GSC: variants seen among roughly 807,000 people sequenced by gnomAD.
GSC encodes goosecoid homeobox.
GSC carries 13 observed loss-of-function variants against 24.5 expected under a neutral mutation model. The ratio of observed to expected loss-of-function variants is 0.53; its 90% CI spans 0.35 to 0.84. The LOEUF (loss-of-function observed/expected upper bound fraction) is 0.84. GSC is among the 40% of genes least tolerant of loss of function. The pLI, the probability that GSC is intolerant of heterozygous loss-of-function variation, is 0.01. For missense variants in GSC, 382 were observed against 384.2 expected (o/e 0.99, Z 0.05); for synonymous variants, 199 against 182.1 (o/e 1.09, Z -0.75).
In GSC at chr14:94,768,600, G is replaced by A; in HGVS notation, c.665C>T (p.Ser222Leu). ...RAKWRRQKRS[S>L]SEESENAEKW... ...CTCCGCGTTCTCCGACTCCTCTGATGAGGACCGCTTCTGCCGCCTCCATTT... is the reference window on the plus strand; with the variant it reads ...CTCCGCGTTCTCCGACTCCTCTGATAAGGACCGCTTCTGCCGCCTCCATTT... The change falls in exon 3 of 3, where the codon TCA (serine) becomes TTA (leucine). Residue 222 changes from serine (S) to leucine (L), a missense_variant. Physicochemically the swap from Ser to Leu is moderately radical, Grantham distance 145. Coordinates refer to ENST00000238558, the MANE Select transcript of GSC (RefSeq NM_173849.3). The A allele has an allele frequency of 6.2e-7, 1 of 1,614,132 alleles. No homozygotes were observed. The highest frequency in any genetic ancestry group is 8.5e-7 in the Non-Finnish European group (1 of 1,180,046).
chr14:94,769,632 G>A, intron 1 of GSC, 29 bp downstream of exon 1: 1 of 1,403,340 alleles, frequency 7.1e-7, no homozygotes, highest in Non-Finnish European at 9.2e-7. Context: ...CGCAGTGGGC[G>A]GCAGAGGCCG....
rs1304027611 is a variant in GSC at position 94,769,751 on chromosome 14, G to A, written c.265C>T (p.His89Tyr). 6 of 1,441,928 alleles carry A rather than the reference G, an allele frequency of 4.2e-6. No homozygotes were observed. In the African/African-American group the frequency reaches 9.0e-5, roughly 22 times the overall value. The allele number at this position is 1,441,928 out of a possible 1,614,324, so 89.3% of individuals were successfully genotyped here. A position where few individuals can be genotyped will look rare whatever the true frequency, so the allele number is the denominator to read the frequency against. The stretch of plus-strand genomic sequence containing the variant: ...GGGCCCACGGGCGCCGCCTGCACGT[G>A]CAGCTGCCCGTAGAAGTAGTTGTTG... ...GYNNYFYGQL[H>Y]VQAAPVGPAC... The change falls in exon 1 of 3, where the codon CAC (histidine) becomes TAC (tyrosine). Residue 89 changes from histidine to tyrosine, a missense_variant. By Grantham distance (83) the His-to-Tyr change is moderately conservative. Coordinates refer to ENST00000238558, the MANE Select transcript of GSC (RefSeq NM_173849.3).
chr14:94,769,839 C>T lies in GSC; in HGVS notation c.177G>A (p.Pro59=). 7.0e-7 allele frequency: 1 copy of T among 1,435,774 alleles called. No individual in the cohort carries two copies. The highest frequency in any genetic ancestry group is 9.0e-7 in the Non-Finnish European group (1 of 1,106,662). The allele number at this position is 1,435,774 out of a possible 1,614,324, so 88.9% of individuals were successfully genotyped here. A position where few individuals can be genotyped will look rare whatever the true frequency, so the allele number is the denominator to read the frequency against. Residue 59 remains proline, a synonymous_variant, in exon 1 of 3, where the codon CCG becomes CCA. Transcript: ENST00000238558. The stretch of plus-strand genomic sequence containing the variant: ...CCGCGCCGCCGGGGGCCACGGGGCG[C>T]GGGTAGAAGGCGCCATAGTCCGAGG... ...GASSDYGAFY[P]RPVAPGGAGL...
Position 94,769,082 on chromosome 14 carries a change from C to T in GSC, c.491G>A (p.Arg164His). Residue 164 changes from arginine to histidine, a missense_variant, in exon 2 of 3, where the codon CGC becomes CAC. Transcript: ENST00000238558. Reference sequence around the variant, plus strand: ...GAGCTGCTCGTCAGTGAAGATGGTGCGGTGCCGCCGCTTCCGCCGACAGTG... The same window carrying T: ...GAGCTGCTCGTCAGTGAAGATGGTGTGGTGCCGCCGCTTCCGCCGACAGTG... Reference protein sequence around the residue: ...QLHCRRKRRHRTIFTDEQLEA... With the variant: ...QLHCRRKRRHHTIFTDEQLEA... 1 of 1,592,034 alleles carries T rather than the reference C, an allele frequency of 6.3e-7. No individual in the cohort carries two copies.
In GSC at chr14:94,769,188, A is replaced by ACACCAGCACCGAACCGGGGC; in HGVS notation, c.365_384dup (p.Ser129AlafsTer18). Reference sequence around the variant, plus strand: ...GGCAGCATCTGGTGCGGTACCGGGGACACCAGCACCGAACCGGGGCCCTCG... The same window carrying ACACCAGCACCGAACCGGGGC: ...GGCAGCATCTGGTGCGGTACCGGGGACACCAGCACCGAACCGGGGCCACCAGCACCGAACCGGGGCCCTCG... On this transcript the variant is annotated frameshift_variant, in exon 2 of 3. Transcript: ENST00000238558. LOFTEE classifies it high-confidence loss of function. 6.4e-7 allele frequency: 1 copy of ACACCAGCACCGAACCGGGGC among 1,559,552 alleles called. No homozygotes were observed. Among genetic ancestry groups the ACACCAGCACCGAACCGGGGC allele is most frequent in the Admixed American group, 1.9e-5 (1 of 52,590 alleles).
At chr14:94,768,736 G>A (rs1885220064) in intron 2 of GSC, 87 bp from the exon 3 acceptor site, 2 of 1,550,548 alleles carry the variant, frequency 1.3e-6, no homozygotes, top group Admixed American at 1.7e-5. Context: ...GTGTGGCGGC[G>A]GGACACCCCG....
In GSC at chr14:94,769,947, C is replaced by T; in HGVS notation, c.69G>A (p.Leu23=). 6.4e-7 allele frequency: 1 copy of T among 1,550,460 alleles called. No individual in the cohort carries two copies. Among genetic ancestry groups the T allele is most frequent in the Non-Finnish European group, 8.6e-7 (1 of 1,156,412 alleles). Residue 23 remains leucine, a synonymous_variant, in exon 1 of 3, where the codon TTG becomes TTA. Transcript: ENST00000238558. ...AARPRCKDSV[L]PVAHSAAAPV... ...GAGCCGCCGCGCTGTGCGCCACCGG[C>T]AACACCGAGTCCTTGCAGCGCGGCC...
rs1304664618 is a variant in GSC, at chr14:94,769,077, T to C, written c.496A>G (p.Ile166Val). 1.9e-6 allele frequency: 3 copies of C among 1,593,842 alleles called. No individual in the cohort carries two copies. Among genetic ancestry groups the C allele is most frequent in the Non-Finnish European group, 2.6e-6 (3 of 1,171,106 alleles). Reference sequence around the variant, plus strand: ...GCTTCGAGCTGCTCGTCAGTGAAGATGGTGCGGTGCCGCCGCTTCCGCCGA... The same window carrying C: ...GCTTCGAGCTGCTCGTCAGTGAAGACGGTGCGGTGCCGCCGCTTCCGCCGA... The part of the protein sequence containing the change: ...HCRRKRRHRT[I>V]FTDEQLEALE... The change falls in exon 2 of 3, where the codon ATC becomes GTC. Residue 166 changes from isoleucine to valine, a missense_variant. By Grantham distance (29) the Ile-to-Val change is conservative. Transcript: ENST00000238558.
intron 1 of GSC, 33 bp downstream of exon 1, chr14:94,769,628 G>T: frequency 7.1e-7 from 1 of 1,403,216 alleles, no homozygotes; most frequent in South Asian, 1.6e-5. Context: ...GGACCGCAGT[G>T]GGCGGCAGAG....
chr14:94,768,926 G>A (rs777349659), intron 2 of GSC, 32 bp downstream of exon 2: 6 of 1,561,156 alleles, frequency 3.8e-6, no homozygotes, highest in Non-Finnish European at 5.2e-6. Context: ...GGGAAGGACC[G>A]CTAGGCGCCC....
At chr14:94,769,254 C>T (rs779454270) in intron 1 of GSC, 37 bp from the exon 2 acceptor site, 50 of 1,541,198 alleles carry the variant, frequency 3.2e-5, no homozygotes, top group Middle Eastern at 2.3e-4. Context: ...GCCGCCCGCC[C>T]TCGCCACCGC....
Position 94,768,277 on chromosome 14 carries a change from G to T in GSC, c.*214C>A, listed in dbSNP as rs1885208843. On this transcript the variant is annotated 3_prime_UTR_variant, in exon 3 of 3. Transcript: ENST00000238558. ...CCCTTAATTTAACTATAAATACTAC[G>T]GTGGGGGCTAGTCGCGGGCGGCCTC... The T allele has an allele frequency of 4.9e-6, 3 of 615,732 alleles. No individual in the cohort carries two copies. The South Asian group carries it at 5.4e-5, about 11-fold the overall frequency. The allele number at this position is 615,732 out of a possible 1,614,324, so 38.1% of individuals were successfully genotyped here. A position where few individuals can be genotyped will look rare whatever the true frequency, so the allele number is the denominator to read the frequency against.
At chr14:94,769,262 C>T (rs748497245) in intron 1 of GSC, 45 bp from the exon 2 acceptor site, 8 of 1,537,960 alleles carry the variant, frequency 5.2e-6, no homozygotes, top group Non-Finnish European at 8.8e-7. Flanking sequence ...CCCTCGCCAC[C>T]GCACGCATGC....
chr14:94,769,365 AAAG>A (rs1258565104), intron 1 of GSC, 148 bp from the exon 2 acceptor site: 4 of 1,089,224 alleles, frequency 3.7e-6, no homozygotes, highest in Non-Finnish European at 5.2e-6. Flanking sequence ...GGTGCAGGGA[AAAG>A]GAGGAGGCGT....
chr14:94,768,912 C>T (rs1289245229), intron 2 of GSC, 46 bp downstream of exon 2: 9 of 1,553,140 alleles, frequency 5.8e-6, no homozygotes, highest in South Asian at 4.7e-5. Context: ...GGCCCCACCT[C>T]GCGGGGAAGG....
intron 2 of GSC, 134 bp from the exon 3 acceptor site, chr14:94,768,783 G>A (rs1429322253): frequency 7.1e-7 from 1 of 1,400,222 alleles, no homozygotes; most frequent in Non-Finnish European, 9.8e-7. Flanking sequence ...GCTCGCTCCC[G>A]CTTCCGCGTT....
Position 94,768,640 on chromosome 14 carries a change from T to C in GSC, c.625A>G (p.Lys209Glu). The C allele has an allele frequency of 6.2e-7, 1 of 1,613,732 alleles. No homozygotes were observed. Among genetic ancestry groups the C allele is most frequent in the Non-Finnish European group, 8.5e-7 (1 of 1,180,024 alleles). The change falls in exon 3 of 3, where the codon AAG (lysine) becomes GAG (glutamate). Residue 209 changes from lysine (K) to glutamate (E), a missense_variant. Coordinates refer to ENST00000238558, the MANE Select transcript of GSC (RefSeq NM_173849.3). ...LREEKVEVWF[K>E]NRRAKWRRQK... is the part of the protein sequence containing the mutation. ...CGCCTCCATTTGGCGCGGCGGTTCT[T>C]AAACCAGACCTGTTGCGCAACGGAG...
chr14:94,769,603 G>T, intron 1 of GSC, 58 bp downstream of exon 1: 1 of 1,401,710 alleles, frequency 7.1e-7, no homozygotes, highest in Non-Finnish European at 9.2e-7. Flanking sequence ...TTAACCAACC[G>T]GCTCCATGGG....
Position 94,768,455 on chromosome 14 carries a change from G to C in GSC, c.*36C>G. ...TCGTCTGTCTGTGCAAGTCCTTCGA[G>C]TTAGGTAAGTAATACGGGCAAGTGT... On this transcript the variant is annotated 3_prime_UTR_variant, in exon 3 of 3. Coordinates refer to ENST00000238558, the MANE Select transcript of GSC (RefSeq NM_173849.3). The C allele has an allele frequency of 6.2e-7, 1 of 1,613,310 alleles. No homozygotes were observed. Among genetic ancestry groups the C allele is most frequent in the Non-Finnish European group, 8.5e-7 (1 of 1,179,276 alleles).
Sources: allele counts gnomAD v4.1 joint callset, GRCh38; gene constraint gnomAD v4.1.1; transcripts MANE v1.5; gene names NCBI Gene and HGNC (gene_info 2026-07-23, HGNC 2026-07-21).